The following LHFPL6 variants were observed in gnomAD, a reference collection of about 807,000 sequenced individuals.
The protein encoded by LHFPL6 is LHFPL tetraspan subfamily member 6 protein.
A neutral mutation model predicts 20.6 loss-of-function variants in LHFPL6; 9 were observed. The ratio of observed to expected loss-of-function variants is 0.44; its 90% CI spans 0.26 to 0.76. LHFPL6 has a LOEUF of 0.76. Ranked by LOEUF, LHFPL6 falls within the 30% of genes least tolerant of loss-of-function variation. LHFPL6 has a pLI of 0.20. For synonymous variants in LHFPL6, 105 were observed against 98.7 expected, an observed-to-expected ratio of 1.06 and a Z score of -0.38; for missense variants, 218 against 253.5, an observed-to-expected ratio of 0.86 and a Z score of 0.95.
intron 2 of LHFPL6, among the ~76,000 whole-genome samples, chr13:39,512,798 A>C (rs1469213152): frequency 1.3e-5 from 2 of 152,198 alleles, no homozygotes; most frequent in Non-Finnish European, 2.9e-5. Flanking sequence ...CATGCTTGGA[A>C]TCTGGGAGAA....
chr13:39,540,923 T>A (rs1376330948), intron 2 of LHFPL6, among the ~76,000 whole-genome samples: 3 of 152,200 alleles, frequency 2.0e-5, no homozygotes. Flanking sequence ...GAGAAAACTA[T>A]AAAATGTACA....
At chr13:39,499,423 C>T (rs1869214810) in intron 2 of LHFPL6, among the ~76,000 whole-genome samples, 1 of 152,196 alleles carries the variant, frequency 6.6e-6, no homozygotes, top group Non-Finnish European at 1.5e-5. Context: ...TCCTCTCCTC[C>T]CTTCACCATC....
chr13:39,346,332 T>C (rs1187728984), intron 3 of LHFPL6, among the ~76,000 whole-genome samples: 1 of 152,280 alleles, frequency 6.6e-6, no homozygotes, highest in East Asian at 1.9e-4. Flanking sequence ...CTAGGTGTCA[T>C]CCTTGATTTC....
At chr13:39,447,195 C>T (rs778269793) in intron 2 of LHFPL6, among the ~76,000 whole-genome samples, 1 of 152,172 alleles carries the variant, frequency 6.6e-6, no homozygotes, top group African/African-American at 2.4e-5. Flanking sequence ...CCAATCATCA[C>T]GCTTATGAAG....
At chr13:39,431,772 T>A (rs646633) in intron 2 of LHFPL6, among the ~76,000 whole-genome samples, 3 of 149,064 alleles carry the variant, frequency 2.0e-5, no homozygotes, top group African/African-American at 7.5e-5. Context: ...CAAACCTGTT[T>A]GTTCTATTTT....
intron 3 of LHFPL6, among the ~76,000 whole-genome samples, chr13:39,362,901 A>G (rs1869914743): frequency 6.6e-6 from 1 of 152,230 alleles, no homozygotes; most frequent in African/African-American, 2.4e-5. Context: ...CCAGTGGGGA[A>G]GGAACAGAGT....
At chr13:39,512,538 C>T (rs1869751958) in intron 2 of LHFPL6, among the ~76,000 whole-genome samples, 1 of 148,422 alleles carries the variant, frequency 6.7e-6, no homozygotes, top group Admixed American at 6.8e-5. Flanking sequence ...GGAGGCGGAG[C>T]TTGCAGTGAG....
chr13:39,479,080 TAGAC>T (rs1555264221), intron 2 of LHFPL6, among the ~76,000 whole-genome samples: 3 of 147,248 alleles, frequency 2.0e-5, no homozygotes, highest in Non-Finnish European at 3.0e-5. Flanking sequence ...GATAGATAGA[TAGAC>T]AGACATAGGT....
rs555568255 is a variant in LHFPL6 at position 39,592,077 on chromosome 13, C to G, written c.385+8755G>C. Among the ~76,000 whole-genome samples, 41 of 147,870 alleles carry G rather than the reference C, an allele frequency of 2.8e-4. 1 individual carries two copies. The South Asian group carries it at 8.4e-3, about 30-fold the overall frequency. On this transcript the variant is annotated intron_variant, in intron 2 of 3. Coordinates refer to ENST00000379589, the MANE Select transcript of LHFPL6 (RefSeq NM_005780.3). ...CACCATTGCACTCCAGCCTGGACGA[C>G]AAAAGCAAAACTCCGTCTCAAAAAA... is the stretch of plus-strand genomic sequence containing the variant.
intron 2 of LHFPL6, among the ~76,000 whole-genome samples, chr13:39,557,226 GGGC>G (rs1394203201): frequency 6.6e-6 from 1 of 152,256 alleles, no homozygotes; most frequent in Non-Finnish European, 1.5e-5. Flanking sequence ...GCCAGGCCCA[GGGC>G]CCCACCACCC....
In LHFPL6 at chr13:39,424,074, T is replaced by C. The variant is rs140198233; in HGVS notation, c.386-45548A>G. Among the ~76,000 whole-genome samples, 448 of 152,338 alleles carry C rather than the reference T, an allele frequency of 2.9e-3. 3 individuals carry two copies. Among genetic ancestry groups the C allele is most frequent in the African/African-American group, 0.01 (425 of 41,576 alleles). On this transcript the variant is annotated intron_variant, in intron 2 of 3. Transcript: ENST00000379589. ...GCCAGCATATGTATTATTTATATTA[T>C]ATATGATACACAACACATATTATAT...
intron 3 of LHFPL6, among the ~76,000 whole-genome samples, chr13:39,370,799 G>A (rs1870145566): frequency 6.6e-6 from 1 of 152,202 alleles, no homozygotes; most frequent in Non-Finnish European, 1.5e-5. Flanking sequence ...AAAATGAAGC[G>A]AGTCATATTG....
At chr13:39,436,271 G>T (rs1871954234) in intron 2 of LHFPL6, among the ~76,000 whole-genome samples, 1 of 152,132 alleles carries the variant, frequency 6.6e-6, no homozygotes, top group Admixed American at 6.6e-5. Flanking sequence ...AAAAATAGCT[G>T]AAGAAAGATG....
At chr13:39,397,082 A>G (rs567317864) in intron 2 of LHFPL6, among the ~76,000 whole-genome samples, 1 of 152,324 alleles carries the variant, frequency 6.6e-6, no homozygotes, top group South Asian at 2.1e-4. Flanking sequence ...CTAGGAAACT[A>G]AAACACCTAG....
At chr13:39,395,037 C>T (rs930072807) in intron 2 of LHFPL6, among the ~76,000 whole-genome samples, 4 of 152,102 alleles carry the variant, frequency 2.6e-5, no homozygotes, top group African/African-American at 4.8e-5. Context: ...CTGCTCCTTC[C>T]CACGGGGCTC....
At chr13:39,560,600 C>G (rs964321237) in intron 2 of LHFPL6, among the ~76,000 whole-genome samples, 6 of 151,286 alleles carry the variant, frequency 4.0e-5, no homozygotes, top group African/African-American at 1.5e-4. Context: ...CTGCAAGCCC[C>G]GCCTCCCGGG....
At chr13:39,481,391 A>G (rs1436475638) in intron 2 of LHFPL6, among the ~76,000 whole-genome samples, 1 of 152,216 alleles carries the variant, frequency 6.6e-6, no homozygotes, top group Non-Finnish European at 1.5e-5. Context: ...CTCTAAATTA[A>G]TAAGATATAA....
chr13:39,472,189 A>G (rs1453887992), intron 2 of LHFPL6, among the ~76,000 whole-genome samples: 3 of 152,132 alleles, frequency 2.0e-5, no homozygotes, highest in South Asian at 4.1e-4. Context: ...GAGTGTGCAT[A>G]TCATTTCCCA....
At chr13:39,439,732 T>A (rs972543441) in intron 2 of LHFPL6, among the ~76,000 whole-genome samples, 1 of 152,096 alleles carries the variant, frequency 6.6e-6, no homozygotes, top group African/African-American at 2.4e-5. Context: ...TCTGGTTTTT[T>A]AAAAGTCTGT....
Sources: allele counts gnomAD v4.1 joint callset (sites outside exome capture counted in the v4.1 genomes callset), GRCh38; gene constraint gnomAD v4.1.1; transcripts MANE v1.5; gene names NCBI Gene and HGNC (gene_info 2026-07-23, HGNC 2026-07-21).